Variants in FSIP2 observed in about 807,000 individuals in gnomAD.
FSIP2 encodes fibrous sheath interacting protein 2.
In FSIP2, 367 loss-of-function variants were observed where a neutral mutation model predicts 510.5. The observed-to-expected ratio is 0.72, with a 90% CI of 0.66 to 0.78. The LOEUF is 0.78. Ranked by LOEUF, FSIP2 falls within the 30% of genes least tolerant of loss-of-function variation. FSIP2 has a pLI of 0.00. For synonymous variants in FSIP2, 2,601 were observed against 2,732.2 expected (o/e 0.95, Z 1.50); for missense variants, 7,594 against 7,901.7 (o/e 0.96, Z 1.48).
At chr2:185,771,078 T>A (rs1375048743) in intron 13 of FSIP2, among the ~76,000 whole-genome samples, 1 of 152,182 alleles carries the variant, frequency 6.6e-6, no homozygotes, top group Non-Finnish European at 1.5e-5. Flanking sequence ...CCCAAGGCAT[T>A]AGGCAGCCCC....
chr2:185,817,580 C>T (rs1373319573), intron 19 of FSIP2, among the ~76,000 whole-genome samples: 1 of 151,970 alleles, frequency 6.6e-6, no homozygotes, highest in Non-Finnish European at 1.5e-5. Flanking sequence ...TTCCAAGGCT[C>T]AAAGTCTCAT....
chr2:185,781,462 C>G (rs1422103313), intron 13 of FSIP2, among the ~76,000 whole-genome samples: 2 of 152,092 alleles, frequency 1.3e-5, no homozygotes, highest in African/African-American at 4.8e-5. Context: ...GATATGAACC[C>G]CACTGTAAGT....
At chr2:185,737,908 C>T (rs1252795932), upstream of FSIP2, among the ~76,000 whole-genome samples, 1 of 152,106 alleles carries the variant, frequency 6.6e-6, no homozygotes, top group Non-Finnish European at 1.5e-5. Flanking sequence ...TGTCAGTCTT[C>T]CTCAATCTTT....
chr2:185,787,966 G>T, intron 15 of FSIP2: 1 of 150,936 alleles, frequency 6.6e-6, no homozygotes, highest in Admixed American at 6.6e-5. Flanking sequence ...TATTTTATTT[G>T]TATTATTTGT....
intron 19 of FSIP2, among the ~76,000 whole-genome samples, chr2:185,820,929 G>A: frequency 7.0e-6 from 1 of 142,698 alleles, no homozygotes; most frequent in East Asian, 2.2e-4. Context: ...TAAGTAGAAG[G>A]AAATAATAAA....
Position 185,793,031 on chromosome 2 carries a change from A to G in FSIP2, c.5895A>G (p.Leu1965=), listed in dbSNP as rs1290147387. The change falls in exon 16 of 23, where the codon TTA becomes TTG. Residue 1965 remains leucine, a synonymous_variant. Transcript: ENST00000424728. ...QQDHSTLSKA[L]SAKDSYSDEQ... ...ATCACAGTACATTGAGCAAAGCATTATCAGCCAAAGATTCATATTCTGATG... is the reference window on the plus strand; with the variant it reads ...ATCACAGTACATTGAGCAAAGCATTGTCAGCCAAAGATTCATATTCTGATG... 6.5e-7 allele frequency: 1 copy of G among 1,534,278 alleles called. No homozygotes were observed. The highest frequency in any genetic ancestry group is 8.7e-7 in the Non-Finnish European group (1 of 1,145,658).
intron 13 of FSIP2, among the ~76,000 whole-genome samples, chr2:185,779,883 A>C (rs1692805383): frequency 1.3e-5 from 2 of 151,416 alleles, no homozygotes; most frequent in South Asian, 4.2e-4. Context: ...TCCTTGTATT[A>C]GAATGTCATT....
At chr2:185,828,663 A>T (rs1392199396) in intron 21 of FSIP2, among the ~76,000 whole-genome samples, 1 of 151,792 alleles carries the variant, frequency 6.6e-6, no homozygotes, top group African/African-American at 2.4e-5. Flanking sequence ...GTATTCCTAA[A>T]CATTACTTCT....
rs928973379 is a variant in FSIP2, at chr2:185,789,873, C to T, written c.2737C>T (p.Leu913=). The T allele has an allele frequency of 6.5e-7, 1 of 1,531,560 alleles. No homozygotes were observed. Among genetic ancestry groups the T allele is most frequent in the Non-Finnish European group, 8.7e-7 (1 of 1,143,408 alleles). 94.9% of individuals were successfully genotyped at this position (1,531,560 alleles called of 1,614,324 possible). The change falls in exon 16 of 23, where the codon CTA becomes TTA. Residue 913 remains leucine, a synonymous_variant. Coordinates refer to ENST00000424728, the MANE Select transcript of FSIP2 (RefSeq NM_173651.4). ...TATAGAGGAAGCAATCAATGCTATA[C>T]TAGGTTATATACAAACTGAACTAAA... The part of the protein sequence containing the change: ...AYIEEAINAI[L]GYIQTELNNE...
rs917150461 is a variant in FSIP2, at chr2:185,789,157, T to G, written c.2021T>G (p.Leu674Trp). ...GAAACAGATAGCTTAGGGAGTTCAT[T>G]GCATTGTGATAAAACAGCAAAAGCC... Reference protein sequence around the residue: ...TTETDSLGSSLHCDKTAKAMD... With the variant: ...TTETDSLGSSWHCDKTAKAMD... Residue 674 changes from leucine (L) to tryptophan (W), a missense_variant, in exon 16 of 23, where the codon TTG becomes TGG. Transcript: ENST00000424728. 6.5e-7 allele frequency: 1 copy of G among 1,535,052 alleles called. No individual in the cohort carries two copies. Among genetic ancestry groups the G allele is most frequent in the African/African-American group, 1.4e-5 (1 of 73,072 alleles).
Position 185,801,122 on chromosome 2 carries a change from C to A in FSIP2, c.11816C>A (p.Ser3939Tyr), listed in dbSNP as rs1262710506. 9 of 1,533,420 alleles carry A rather than the reference C, an allele frequency of 5.9e-6. No individual in the cohort carries two copies. The highest frequency in any genetic ancestry group is 7.9e-6 in the Non-Finnish European group (9 of 1,145,436). 95.0% of individuals were successfully genotyped at this position (1,533,420 alleles called of 1,614,324 possible). A position where few individuals can be genotyped will look rare whatever the true frequency, so the allele number is the denominator to read the frequency against. ...AACAAGCATTGTGCAGTAAAATCCT[C>A]TTCTGTGTCACCTTTTGAAAGACAG... ...PFNKHCAVKS[S>Y]SVSPFERQRT... The change falls in exon 17 of 23, where the codon TCT (serine) becomes TAT (tyrosine). Residue 3939 changes from serine to tyrosine, a missense_variant. By Grantham distance (144) the Ser-to-Tyr change is moderately radical (BLOSUM62 -2). Coordinates refer to ENST00000424728, the MANE Select transcript of FSIP2 (RefSeq NM_173651.4).
At chr2:185,744,058 G>A (rs1691977880) in intron 3 of FSIP2, among the ~76,000 whole-genome samples, 1 of 151,584 alleles carries the variant, frequency 6.6e-6, no homozygotes, top group African/African-American at 2.4e-5. Flanking sequence ...TCAAACTCCT[G>A]GCCTCAAGAG....
In FSIP2 at chr2:185,801,275, C is replaced by A; in HGVS notation, c.11969C>A (p.Ser3990Ter). ...ISELFFNLSM[S>*]LWGKNKNITV... The stretch of plus-strand genomic sequence containing the variant: ...GAATTGTTTTTTAATCTCTCTATGT[C>A]ATTGTGGGGCAAAAATAAAAACATC... The change falls in exon 17 of 23, where the codon TCA becomes TAA. Residue 3990 changes from serine (S) to a stop codon, truncating the protein, a stop_gained. Coordinates refer to ENST00000424728, the MANE Select transcript of FSIP2 (RefSeq NM_173651.4). LOFTEE classifies it high-confidence loss of function. 6.5e-7 allele frequency: 1 copy of A among 1,533,714 alleles called. No individual in the cohort carries two copies. Among genetic ancestry groups the A allele is most frequent in the South Asian group, 1.2e-5 (1 of 83,934 alleles).
upstream of FSIP2, among the ~76,000 whole-genome samples, chr2:185,737,488 C>T (rs1691806607): frequency 6.6e-6 from 1 of 152,036 alleles, no homozygotes; most frequent in South Asian, 2.1e-4. Flanking sequence ...TGATTAGCGG[C>T]TTAACCGGGA....
intron 17 of FSIP2, among the ~76,000 whole-genome samples, chr2:185,810,171 CT>C (rs1330172065): frequency 2.0e-5 from 3 of 152,026 alleles, no homozygotes; most frequent in African/African-American, 7.2e-5. Context: ...CTAATTAATG[CT>C]TTAAGCTTTC....
chr2:185,777,936 A>G (rs1432824003), intron 13 of FSIP2, among the ~76,000 whole-genome samples: 2 of 152,002 alleles, frequency 1.3e-5, no homozygotes, highest in Non-Finnish European at 2.9e-5. Flanking sequence ...ATATTCTTTG[A>G]ATGTTCGGTA....
chr2:185,786,484 C>T (rs1692980888), intron 15 of FSIP2, among the ~76,000 whole-genome samples, 196 bp downstream of exon 15: 1 of 151,768 alleles, frequency 6.6e-6, no homozygotes, highest in African/African-American at 2.4e-5. Flanking sequence ...AAATTGTTAT[C>T]AAAAGATAAT....
At chr2:185,751,604 A>T (rs1183647828) in intron 7 of FSIP2, among the ~76,000 whole-genome samples, 1 of 150,974 alleles carries the variant, frequency 6.6e-6, no homozygotes, top group Non-Finnish European at 1.5e-5. Context: ...TAACATGATT[A>T]GTTTTATGTG....
At chr2:185,757,266 A>G (rs1692262714) in intron 9 of FSIP2, among the ~76,000 whole-genome samples, 1 of 151,488 alleles carries the variant, frequency 6.6e-6, no homozygotes, top group African/African-American at 2.4e-5. Context: ...CCTCAGTGAC[A>G]TTTCAGGAAA....
Sources: allele counts gnomAD v4.1 joint callset (sites outside exome capture counted in the v4.1 genomes callset), GRCh38; gene constraint gnomAD v4.1.1; transcripts MANE v1.5; gene names NCBI Gene and HGNC (gene_info 2026-07-23, HGNC 2026-07-21).